The following PLA2G4F variants were observed in gnomAD, a reference collection of about 807,000 sequenced individuals.
PLA2G4F encodes cytosolic phospholipase A2 zeta.
A neutral mutation model predicts 103.1 loss-of-function variants in PLA2G4F; 105 were observed. The observed-to-expected ratio is 1.02, with a 90% CI of 0.87 to 1.20. The LOEUF is 1.20. Among genes scored for constraint, PLA2G4F ranks in the 50% most tolerant of loss-of-function variants. The probability of loss-of-function intolerance (pLI) is 0.00; values close to 1 mark genes in which losing one functional copy is unlikely to be tolerated. For synonymous variants in PLA2G4F, 468 were observed against 441.1 expected (o/e 1.06, Z -0.76); for missense variants, 1,155 against 1,075.9 (o/e 1.07, Z -1.03).
chr15:42,152,146 A>G (rs1306797234), intron 7 of PLA2G4F, among the ~76,000 whole-genome samples: 2 of 152,168 alleles, frequency 1.3e-5, no homozygotes, highest in African/African-American at 4.8e-5. Context: ...TCATTCTGCC[A>G]TGTGACTTCA....
In PLA2G4F at chr15:42,140,163, T is replaced by C. The variant is rs958772464; in HGVS notation, c.*1821A>G. The C allele has an allele frequency of 7.9e-5, 12 of 152,226 alleles. No individual in the cohort carries two copies. The highest frequency in any genetic ancestry group is 5.2e-4 in the Admixed American group (8 of 15,286). The allele number at this position is 152,226 out of a possible 1,614,324, so 9.4% of individuals were successfully genotyped here. A position where few individuals can be genotyped will look rare whatever the true frequency, so the allele number is the denominator to read the frequency against. Reference sequence around the variant, plus strand: ...GGTTGGTGGGTGACGATCCATTTCTTAGAATGTAGGTTCCCATTCATTTAT... The same window carrying C: ...GGTTGGTGGGTGACGATCCATTTCTCAGAATGTAGGTTCCCATTCATTTAT... On this transcript the variant is annotated 3_prime_UTR_variant, in exon 20 of 20. Coordinates refer to ENST00000397272, the MANE Select transcript of PLA2G4F (RefSeq NM_213600.4).
Position 42,150,792 on chromosome 15 carries a change from C to T in PLA2G4F, c.602-15G>A. The T allele has an allele frequency of 6.2e-7, 1 of 1,601,924 alleles. No homozygotes were observed. Among genetic ancestry groups the T allele is most frequent in the Non-Finnish European group, 8.5e-7 (1 of 1,175,838 alleles). ...CTGCCTAGAGCCTGAGAGCAGAGGG[C>T]CCAGGTGGGTGCGCAGGTGAGGGGG... On this transcript the variant is annotated splice_polypyrimidine_tract_variant and intron_variant, in intron 7 of 19. Transcript: ENST00000397272.
Position 42,148,051 on chromosome 15 carries a change from CGCCT to C in PLA2G4F, c.1060-293_1060-290del, listed in dbSNP as rs545913685. Among the ~76,000 whole-genome samples, 627 of 152,184 alleles carry C rather than the reference CGCCT, an allele frequency of 4.1e-3. 3 individuals carry two copies. Among genetic ancestry groups the C allele is most frequent in the Non-Finnish European group, 5.4e-3 (366 of 67,996 alleles). ...AAAATTAGCCGGGCATGGTGGTGGG[CGCCT>C]GCCTGTAGTCCCAGCTATCTGGAGG... On this transcript the variant is annotated intron_variant, in intron 11 of 19. Transcript: ENST00000397272.
At position 42,156,511 on chromosome 15, in the gene PLA2G4F, C is replaced by T. The variant is rs144516011; in HGVS notation, c.39G>A (p.Lys13=). 2 of 1,558,236 alleles carry T rather than the reference C, an allele frequency of 1.3e-6. No homozygotes were observed. The highest frequency in any genetic ancestry group is 1.9e-5 in the Admixed American group (1 of 51,908). The part of the protein sequence containing the change: ...WALWPRWLAD[K]MLPLLGAVLL... ...GCACTGCCCCCAGGAGGGGCAGCAT[C>T]TTGTCTGCCAGCCACCTTGGCCAGA... Residue 13 remains lysine (K), a synonymous_variant, in exon 1 of 20, where the codon AAG becomes AAA. Coordinates refer to ENST00000397272, the MANE Select transcript of PLA2G4F (RefSeq NM_213600.4).
At chr15:42,145,961 CA>C (rs1436155136) in intron 14 of PLA2G4F, 58 bp from the exon 15 acceptor site, 1 of 1,602,848 alleles carries the variant, frequency 6.2e-7, no homozygotes, top group East Asian at 2.2e-5. Context: ...TGCTTGTGCC[CA>C]AGCAGGAATC....
chr15:42,154,130 C>T lies in PLA2G4F; in HGVS notation c.412G>A (p.Gly138Ser), dbSNP rs1476855623. ...LLFDLRSLKC[G>S]QPHKHTFPLN... ...GGGAAGGTGTGTTTGTGAGGTTGGC[C>T]ACACTTGAGGCTTCTCAGGTCAAAC... The change falls in exon 4 of 20, where the codon GGC (glycine) becomes AGC (serine). Residue 138 changes from glycine (G) to serine (S), a missense_variant. Gly to Ser is a moderately conservative substitution (Grantham distance 56). Transcript: ENST00000397272. The T allele has an allele frequency of 6.2e-7, 1 of 1,614,214 alleles. No individual in the cohort carries two copies. The highest frequency in any genetic ancestry group is 1.7e-5 in the Admixed American group (1 of 60,024).
At chr15:42,155,092 TATACACAC>T (rs1474528165) in intron 2 of PLA2G4F, among the ~76,000 whole-genome samples, 1 of 147,854 alleles carries the variant, frequency 6.8e-6, no homozygotes, top group Admixed American at 6.9e-5. Flanking sequence ...CGCACACACG[TATACACAC>T]ATACACACTC....
chr15:42,150,967 C>G (rs540454585), intron 7 of PLA2G4F, 190 bp from the exon 8 acceptor site: 1 of 985,434 alleles, frequency 1.0e-6, no homozygotes, highest in South Asian at 4.7e-5. Flanking sequence ...GGTCCTCTAG[C>G]CTGCCCTGGT....
rs1826776433 is a variant in PLA2G4F at position 42,150,639 on chromosome 15, A to G, written c.740T>C (p.Val247Ala). The change falls in exon 8 of 20, where the codon GTG becomes GCG. Residue 247 changes from valine (V) to alanine (A), a missense_variant. Coordinates refer to ENST00000397272, the MANE Select transcript of PLA2G4F (RefSeq NM_213600.4). The part of the protein sequence containing the change: ...VNPVLSSRLH[V>A]ELMELLAAVQ... ...AGCTGCCAGCAGCTCCATCAGCTCC[A>G]CGTGTAGCCTGGAGCTCAGCACTGG... 6.2e-7 allele frequency: 1 copy of G among 1,612,778 alleles called. No homozygotes were observed. Among genetic ancestry groups the G allele is most frequent in the African/African-American group, 1.3e-5 (1 of 74,876 alleles).
In PLA2G4F at chr15:42,146,156, C is replaced by A. The variant is rs144626679; in HGVS notation, c.1505G>T (p.Arg502Leu). Residue 502 changes from arginine (R) to leucine (L), a missense_variant, in exon 14 of 20, where the codon CGC (arginine) becomes CTC (leucine). Around this residue, in one of 3 missense-constraint regions of PLA2G4F, gnomAD observed 782 missense variants for 692.9 expected, o/e 1.13. Transcript: ENST00000397272. ...AAAATCTTCCCCACTCAAGTTGGTG[C>A]GGACGTTGACACTGGTGTAAATGGG... ...PYPIYTSVNV[R>L]TNLSGEDFAE... is the part of the protein sequence containing the mutation. 2.5e-6 allele frequency: 4 copies of A among 1,614,084 alleles called. No homozygotes were observed. The highest frequency in any genetic ancestry group is 1.7e-6 in the Non-Finnish European group (2 of 1,180,028).
At chr15:42,155,677 C>T in intron 1 of PLA2G4F, 88 bp from the exon 2 acceptor site, 2 of 1,350,784 alleles carry the variant, frequency 1.5e-6, no homozygotes, top group Non-Finnish European at 2.1e-6. Context: ...CATGGAGCAG[C>T]AACCTGGCAT....
chr15:42,142,483 T>A, intron 19 of PLA2G4F, 45 bp downstream of exon 19: 1 of 1,562,648 alleles, frequency 6.4e-7, no homozygotes, highest in Non-Finnish European at 8.7e-7. Flanking sequence ...CCCATCACCA[T>A]CCCAGGGCTC....
At position 42,144,540 on chromosome 15, in the gene PLA2G4F, G is replaced by T. The variant is rs765058508; in HGVS notation, c.1885C>A (p.Arg629Ser). ...SQAVLDIFTS[R>S]FTSAQSFNFT... is the part of the protein sequence containing the mutation. The stretch of plus-strand genomic sequence containing the variant: ...TTAAAGCTCTGGGCGGAAGTGAAGC[G>T]GGAGGTGAATATGTCCAGCACAGCC... The change falls in exon 17 of 20, where the codon CGC becomes AGC. Residue 629 changes from arginine (R) to serine (S), a missense_variant. Arg to Ser is a moderately radical substitution (Grantham distance 110). This residue lies in a region of PLA2G4F where 782 missense variants were observed against 692.9 expected (regional missense o/e 1.13). Coordinates refer to ENST00000397272, the MANE Select transcript of PLA2G4F (RefSeq NM_213600.4). The T allele has an allele frequency of 1.2e-6, 2 of 1,612,888 alleles. No homozygotes were observed. Among genetic ancestry groups the T allele is most frequent in the Non-Finnish European group, 1.7e-6 (2 of 1,180,018 alleles).
At position 42,146,202 on chromosome 15, in the gene PLA2G4F, G is replaced by C. The variant is rs201424548; in HGVS notation, c.1459C>G (p.Arg487Gly). 2 of 1,614,232 alleles carry C rather than the reference G, an allele frequency of 1.2e-6. No homozygotes were observed. Among genetic ancestry groups the C allele is most frequent in the East Asian group, 4.5e-5 (2 of 44,886 alleles). The change falls in exon 14 of 20, where the codon CGC becomes GGC. Residue 487 changes from arginine to glycine, a missense_variant. Physicochemically the swap from Arg to Gly is moderately radical, Grantham distance 125 (BLOSUM62 -2). Coordinates refer to ENST00000397272, the MANE Select transcript of PLA2G4F (RefSeq NM_213600.4). The stretch of plus-strand genomic sequence containing the variant: ...ATGGGGTAAGGGTTCTGACCCTGGC[G>C]GACCGCCTCCTGTTGGTCAGACAGC... ...AKLSDQQEAV[R>G]QGQNPYPIYT...
Position 42,147,125 on chromosome 15 carries a change from T to TC in PLA2G4F, c.1417dup (p.Glu473GlyfsTer9), listed in dbSNP as rs1474069067. On this transcript the variant is annotated frameshift_variant and splice_region_variant, in exon 13 of 20. Coordinates refer to ENST00000397272, the MANE Select transcript of PLA2G4F (RefSeq NM_213600.4). LOFTEE classifies it high-confidence loss of function. ...ATTTCCTTCTGGCTCTTCTCTCACCTCCTGGTACAGGAGATACTCAACAAG... is the reference window on the plus strand; with the variant it reads ...ATTTCCTTCTGGCTCTTCTCTCACCTCCCTGGTACAGGAGATACTCAACAAG... The TC allele has an allele frequency of 3.7e-6, 6 of 1,611,912 alleles. No homozygotes were observed. The South Asian group carries it at 6.6e-5, about 18-fold the overall frequency.
intron 11 of PLA2G4F, 35 bp from the exon 12 acceptor site, chr15:42,147,797 C>T: frequency 1.9e-6 from 3 of 1,610,572 alleles, no homozygotes; most frequent in Non-Finnish European, 2.5e-6. Flanking sequence ...ACGACTCCGA[C>T]TACCACCGTC....
chr15:42,152,806 G>A, intron 6 of PLA2G4F, 52 bp from the exon 7 acceptor site: 1 of 1,517,478 alleles, frequency 6.6e-7, no homozygotes, highest in Non-Finnish European at 8.9e-7. Context: ...CCCCAGCCAG[G>A]ATGGAGAGAG....
Position 42,152,726 on chromosome 15 carries a change from G to C in PLA2G4F, c.563C>G (p.Thr188Arg). The C allele has an allele frequency of 6.4e-7, 1 of 1,557,792 alleles. No homozygotes were observed. The highest frequency in any genetic ancestry group is 8.7e-7 in the Non-Finnish European group (1 of 1,150,110). ...TGGGGCTGTCCCATCTCCCCGGAGC[G>C]TGCCCTGGATTCTCAGACAGGGGTG... ...VAHPCLRIQGTLRGDGTAPRE... is the reference protein window; with the variant it reads ...VAHPCLRIQGRLRGDGTAPRE... Residue 188 changes from threonine to arginine, a missense_variant, in exon 7 of 20, where the codon ACG becomes AGG. Thr to Arg is a moderately conservative substitution (Grantham distance 71, BLOSUM62 -1). Transcript: ENST00000397272.
chr15:42,141,165 C>A lies in PLA2G4F; in HGVS notation c.*819G>T. On this transcript the variant is annotated 3_prime_UTR_variant, in exon 20 of 20. Transcript: ENST00000397272. ...CCACATACAGGTGCACACCTCTCCC[C>A]CGATGAACTGATGCCCCTACTAGAC... The A allele has an allele frequency of 2.2e-6, 1 of 450,180 alleles. No individual in the cohort carries two copies. The allele number at this position is 450,180 out of a possible 1,614,324, so 27.9% of individuals were successfully genotyped here. A position where few individuals can be genotyped will look rare whatever the true frequency, so the allele number is the denominator to read the frequency against.
Sources: gnomAD v4.1 joint callset for allele counts (sites outside exome capture counted in the v4.1 genomes callset) on GRCh38, gnomAD v4.1.1 for gene constraint, gnomAD v4.1.1 regional missense constraint, MANE v1.5 for transcripts, NCBI Gene and HGNC (gene_info 2026-07-23, HGNC 2026-07-21) for gene names.